Variants in SLC41A2 observed in about 807,000 individuals in gnomAD.
SLC41A2 encodes SLC41A1-like 1.
SLC41A2 carries 32 observed loss-of-function variants against 58.3 expected under a neutral mutation model. That is an observed-to-expected ratio of 0.55 (90% CI 0.41 to 0.74). The LOEUF (loss-of-function observed/expected upper bound fraction) is 0.74. SLC41A2 is among the 30% of genes least tolerant of loss of function. SLC41A2 has a pLI of 0.00. For synonymous variants in SLC41A2, 190 were observed against 235.0 expected (o/e 0.81, Z 1.75); for missense variants, 514 against 680.6 (o/e 0.76, Z 2.72).
chr12:104,870,764 C>A (rs535085395), intron 6 of SLC41A2, among the ~76,000 whole-genome samples: 1 of 152,306 alleles, frequency 6.6e-6, no homozygotes, highest in East Asian at 1.9e-4. Flanking sequence ...ATTCTCACCC[C>A]AAATTCTTCT....
chr12:104,933,559 A>G (rs2047148737), intron 1 of SLC41A2, among the ~76,000 whole-genome samples: 1 of 151,618 alleles, frequency 6.6e-6, no homozygotes, highest in Non-Finnish European at 1.5e-5. Flanking sequence ...AAGTAATCAC[A>G]TCAAAAAGAC....
intron 3 of SLC41A2, among the ~76,000 whole-genome samples, chr12:104,898,780 A>C (rs977884037): frequency 2.0e-5 from 3 of 152,172 alleles, no homozygotes; most frequent in African/African-American, 7.2e-5. Context: ...AACTCTTAAA[A>C]CTCAACAATA....
At chr12:104,886,801 A>G (rs2044691824) in intron 5 of SLC41A2, among the ~76,000 whole-genome samples, 1 of 151,990 alleles carries the variant, frequency 6.6e-6, no homozygotes, top group South Asian at 2.1e-4. Context: ...GTATGAAAAC[A>G]TCAAAAAAAA....
In SLC41A2 at chr12:104,835,657, G is replaced by A. The variant is rs139216392; in HGVS notation, c.1536+8815C>T. On this transcript the variant is annotated intron_variant, in intron 10 of 10. Transcript: ENST00000258538. ...ACATTCAGGAGATATTTATGTGCTT[G>A]GAATGGATTCCTACTTGACTTCAGT... Among the ~76,000 whole-genome samples, 307 of 152,210 alleles carry A rather than the reference G, an allele frequency of 2.0e-3. 1 individual carries two copies. The highest frequency in any genetic ancestry group is 6.9e-3 in the African/African-American group (288 of 41,532).
At chr12:104,813,116 T>C (rs1487357287) in intron 10 of SLC41A2, among the ~76,000 whole-genome samples, 1 of 151,576 alleles carries the variant, frequency 6.6e-6, no homozygotes, top group Non-Finnish European at 1.5e-5. Context: ...GAGGTGGAGG[T>C]GGCAGTGAGC....
At chr12:104,831,546 A>G (rs2042036563) in intron 10 of SLC41A2, among the ~76,000 whole-genome samples, 1 of 152,176 alleles carries the variant, frequency 6.6e-6, no homozygotes, top group Admixed American at 6.5e-5. Flanking sequence ...TTGTATCCCC[A>G]TTGTTAAGCA....
At chr12:104,879,302 T>A in intron 6 of SLC41A2, among the ~76,000 whole-genome samples, 2 of 152,228 alleles carry the variant, frequency 1.3e-5, no homozygotes. Context: ...GTGCAGAAGC[T>A]CTTTAGTTTA....
intron 10 of SLC41A2, among the ~76,000 whole-genome samples, chr12:104,818,242 G>A (rs779204826): frequency 6.6e-6 from 1 of 152,100 alleles, no homozygotes; most frequent in Non-Finnish European, 1.5e-5. Flanking sequence ...ATCAGAACCT[G>A]AAGGATTTTA....
At chr12:104,889,001 G>T (rs776054309) in intron 5 of SLC41A2, 32 bp downstream of exon 5, 1 of 1,529,846 alleles carries the variant, frequency 6.5e-7, no homozygotes, top group South Asian at 1.3e-5. Context: ...AATGTAAAAG[G>T]CTATAGAGTA....
intron 6 of SLC41A2, among the ~76,000 whole-genome samples, chr12:104,869,476 G>T (rs1176982075): frequency 1.3e-5 from 2 of 151,974 alleles, no homozygotes. Context: ...GAGTATGCAG[G>T]GGTTTTTTTT....
At chr12:104,898,079 T>C (rs1474142323) in intron 3 of SLC41A2, among the ~76,000 whole-genome samples, 1 of 152,184 alleles carries the variant, frequency 6.6e-6, no homozygotes, top group East Asian at 1.9e-4. Flanking sequence ...AAGACTTCTG[T>C]GTAACCCAGT....
intron 1 of SLC41A2, among the ~76,000 whole-genome samples, chr12:104,944,705 C>T (rs1157764989): frequency 1.3e-5 from 2 of 152,128 alleles, no homozygotes; most frequent in African/African-American, 4.8e-5. Context: ...ATTCTCAAAA[C>T]CACCCCAAAA....
At chr12:104,947,947 C>T (rs1230706964) in intron 1 of SLC41A2, among the ~76,000 whole-genome samples, 1 of 152,170 alleles carries the variant, frequency 6.6e-6, no homozygotes, top group Admixed American at 6.5e-5. Flanking sequence ...AACCAGAACT[C>T]ATGAAAGCAT....
chr12:104,844,756 A>C (rs2042542199), intron 9 of SLC41A2, 136 bp from the exon 10 acceptor site: 1 of 390,354 alleles, frequency 2.6e-6, no homozygotes, highest in East Asian at 3.9e-5. Flanking sequence ...TGCCAAAAAT[A>C]AATTTCAAGT....
intron 2 of SLC41A2, 83 bp downstream of exon 2, chr12:104,927,890 G>A: frequency 8.3e-7 from 1 of 1,206,276 alleles, no homozygotes; most frequent in South Asian, 2.1e-5. Flanking sequence ...GAATGTTTGA[G>A]AGTAGTAACC....
chr12:104,925,163 A>AT (rs2046780459), intron 2 of SLC41A2, among the ~76,000 whole-genome samples: 1 of 152,240 alleles, frequency 6.6e-6, no homozygotes, highest in South Asian at 2.1e-4. Context: ...GGTTGTTTAT[A>AT]TTACGAAAAT....
rs181212566 is a variant in SLC41A2 at position 104,897,735 on chromosome 12, T to C, written c.664-2390A>G. ...TTTTTTTAAAAAGTAAAGAGAAATGTTGCCCCAAATTTACCTTGTTAGGGA... is the reference window on the plus strand; with the variant it reads ...TTTTTTTAAAAAGTAAAGAGAAATGCTGCCCCAAATTTACCTTGTTAGGGA... On this transcript the variant is annotated intron_variant, in intron 3 of 10. Coordinates refer to ENST00000258538, the MANE Select transcript of SLC41A2 (RefSeq NM_001352171.3). 1.5e-3 allele frequency among the ~76,000 whole-genome samples: 224 copies of C among 152,340 alleles called. 1 individual carries two copies. The highest frequency in any genetic ancestry group is 4.9e-3 in the African/African-American group (204 of 41,586).
chr12:104,842,625 T>C (rs1283484173), intron 10 of SLC41A2, among the ~76,000 whole-genome samples: 1 of 152,050 alleles, frequency 6.6e-6, no homozygotes, highest in African/African-American at 2.4e-5. Context: ...CCTCTCCCAT[T>C]TTACAGAGGG....
intron 1 of SLC41A2, among the ~76,000 whole-genome samples, chr12:104,934,815 GA>G (rs2047197512): frequency 1.3e-5 from 2 of 152,202 alleles, no homozygotes. Flanking sequence ...TGTGGAATCT[GA>G]AAAAGTTGAT....
Sources: allele counts gnomAD v4.1 joint callset (sites outside exome capture counted in the v4.1 genomes callset), GRCh38; gene constraint gnomAD v4.1.1; transcripts MANE v1.5; gene names NCBI Gene and HGNC (gene_info 2026-07-23, HGNC 2026-07-21).